MSH4: variants seen among roughly 807,000 people sequenced by gnomAD.
MSH4 encodes the protein mutS protein homolog 4.
A neutral mutation model predicts 113.7 loss-of-function variants in MSH4; 106 were observed. The ratio of observed to expected loss-of-function variants is 0.93; its 90% CI spans 0.80 to 1.10. The LOEUF (loss-of-function observed/expected upper bound fraction) is 1.10, where lower values mean the gene tolerates loss of function less well. MSH4 is among the 50% of genes least tolerant of loss of function. The pLI, the probability that MSH4 is intolerant of heterozygous loss-of-function variation, is 0.00. For missense variants in MSH4, 1,061 were observed against 1,093.7 expected, an observed-to-expected ratio of 0.97 and a Z score of 0.42; for synonymous variants, 368 against 380.2, an observed-to-expected ratio of 0.97 and a Z score of 0.37.
chr1:75,829,614 A>C (rs903257185), intron 7 of MSH4, among the ~76,000 whole-genome samples: 2 of 152,182 alleles, frequency 1.3e-5, no homozygotes, highest in African/African-American at 4.8e-5. Context: ...AGGCAGCAAC[A>C]TCTGCCGTTC....
intron 8 of MSH4, 135 bp downstream of exon 8, chr1:75,848,411 T>C: frequency 2.9e-6 from 2 of 691,978 alleles, no homozygotes; most frequent in South Asian, 2.0e-5. Flanking sequence ...GAGTATTTTA[T>C]GCCACTGTAG....
In MSH4 at chr1:75,912,839, A is replaced by C. The variant is rs764343557; in HGVS notation, c.2763A>C (p.Lys921Asn). 2 of 1,581,282 alleles carry C rather than the reference A, an allele frequency of 1.3e-6. No individual in the cohort carries two copies. Among genetic ancestry groups the C allele is most frequent in the South Asian group, 2.3e-5 (2 of 85,692 alleles). Residue 921 changes from lysine to asparagine, a missense_variant, in exon 20 of 20, where the codon AAA (lysine) becomes AAC (asparagine). Physicochemically the swap from Lys to Asn is moderately conservative, Grantham distance 94 (BLOSUM62 0). Coordinates refer to ENST00000263187, the MANE Select transcript of MSH4 (RefSeq NM_002440.4). ...TAAGTAACCTCAAGAAGAAGTACAA[A>C]GAAGATTTTCCCAGGACTGAACAAG... ...IYLSNLKKKYKEDFPRTEQVP... is the reference protein window; with the variant it reads ...IYLSNLKKKYNEDFPRTEQVP...
intron 6 of MSH4, among the ~76,000 whole-genome samples, chr1:75,819,135 T>G (rs1650353530): frequency 6.6e-6 from 1 of 152,080 alleles, no homozygotes; most frequent in African/African-American, 2.4e-5. Flanking sequence ...GTTTATTGTT[T>G]TTATTGTTTA....
At chr1:75,894,440 C>G (rs770536875) in intron 17 of MSH4, among the ~76,000 whole-genome samples, 7 of 152,310 alleles carry the variant, frequency 4.6e-5, no homozygotes, top group Non-Finnish European at 1.0e-4. Flanking sequence ...CAAGACTGAC[C>G]TGGCTATAGC....
intron 19 of MSH4, among the ~76,000 whole-genome samples, chr1:75,912,128 C>T (rs2100601287): frequency 1.3e-5 from 2 of 152,090 alleles, no homozygotes; most frequent in South Asian, 4.2e-4. Context: ...ATGTAATTTA[C>T]CCCTCAGGCA....
At chr1:75,883,508 T>C (rs1277399712) in intron 14 of MSH4, 113 bp from the exon 15 acceptor site, 3 of 812,320 alleles carry the variant, frequency 3.7e-6, no homozygotes, top group Non-Finnish European at 5.7e-6. Flanking sequence ...AATGTTATTA[T>C]TCCAAATTGA....
intron 15 of MSH4, among the ~76,000 whole-genome samples, chr1:75,887,933 C>A (rs1053472460): frequency 6.6e-6 from 1 of 151,302 alleles, no homozygotes; most frequent in African/African-American, 2.4e-5. Context: ...CATAATTCAT[C>A]CTTTTAGGAA....
chr1:75,799,943 CTA>C (rs1225327317), intron 1 of MSH4, among the ~76,000 whole-genome samples: 9 of 151,986 alleles, frequency 5.9e-5, no homozygotes, highest in African/African-American at 2.2e-4. Context: ...ATATAGGAAA[CTA>C]GAGCTAAGAA....
chr1:75,883,152 G>GTACACCTGGCATTACAC (rs1651972800), intron 14 of MSH4, among the ~76,000 whole-genome samples: 1 of 150,396 alleles, frequency 6.6e-6, no homozygotes, highest in African/African-American at 2.5e-5. Flanking sequence ...CTACAGGCAT[G>GTACACCTGGCATTACAC]AGCCATTACA....
intron 7 of MSH4, among the ~76,000 whole-genome samples, chr1:75,838,204 C>G (rs1172736660): frequency 3.3e-5 from 5 of 152,118 alleles, no homozygotes; most frequent in Non-Finnish European, 5.9e-5. Flanking sequence ...CATTTCCTTG[C>G]TCTTTCTACT....
chr1:75,890,824 G>T lies in MSH4; in HGVS notation c.2355G>T (p.Lys785Asn). ...YAVCEYLLSL[K>N]AFTLFATHFL... is the part of the protein sequence containing the mutation. The stretch of plus-strand genomic sequence containing the variant: ...TTTGTGAATATCTACTGAGCTTAAA[G>T]GTATTCTTTTATTTTAAGTATATTG... Residue 785 changes from lysine to asparagine, a missense_variant and splice_region_variant, in exon 17 of 20, where the codon AAG becomes AAT. Transcript: ENST00000263187. The T allele has an allele frequency of 6.4e-7, 1 of 1,551,612 alleles. No homozygotes were observed. Among genetic ancestry groups the T allele is most frequent in the South Asian group, 1.2e-5 (1 of 86,200 alleles).
chr1:75,865,517 G>A (rs1327561622), intron 8 of MSH4, among the ~76,000 whole-genome samples: 2 of 152,170 alleles, frequency 1.3e-5, no homozygotes, highest in Non-Finnish European at 1.5e-5. Flanking sequence ...AGGGTTGGTC[G>A]AGAGGCAGAA....
Position 75,797,215 on chromosome 1 carries a change from C to G in MSH4, c.230C>G (p.Ser77Cys). The G allele has an allele frequency of 6.2e-7, 1 of 1,604,888 alleles. No homozygotes were observed. Among genetic ancestry groups the G allele is most frequent in the Non-Finnish European group, 8.5e-7 (1 of 1,176,080 alleles). Residue 77 changes from serine to cysteine, a missense_variant, in exon 1 of 20, where the codon TCC (serine) becomes TGC (cysteine). Physicochemically the swap from Ser to Cys is moderately radical, Grantham distance 112. Transcript: ENST00000263187. ...SSSLPCPAPN[S>C]RPAQGSYFGN... The stretch of plus-strand genomic sequence containing the variant: ...AGCCTTCCCTGCCCCGCGCCAAACT[C>G]CCGGCCAGCTCAAGGCAAGGAGTGA...
intron 19 of MSH4, among the ~76,000 whole-genome samples, chr1:75,908,084 A>T (rs1238314109): frequency 1.3e-5 from 2 of 149,780 alleles, no homozygotes; most frequent in African/African-American, 4.9e-5. Flanking sequence ...AAGTTCAACA[A>T]ATGTATTTCT....
intron 9 of MSH4, among the ~76,000 whole-genome samples, chr1:75,873,480 G>A (rs1651755035): frequency 6.6e-6 from 1 of 151,876 alleles, no homozygotes; most frequent in Non-Finnish European, 1.5e-5. Context: ...TGTCTTGGAG[G>A]TTATGTTGTA....
chr1:75,865,101 A>G (rs1651535218), intron 8 of MSH4, among the ~76,000 whole-genome samples: 1 of 151,990 alleles, frequency 6.6e-6, no homozygotes, highest in Non-Finnish European at 1.5e-5. Context: ...TTGATCATTA[A>G]TGTCTCCTGT....
intron 3 of MSH4, among the ~76,000 whole-genome samples, chr1:75,807,641 T>G (rs1183654028): frequency 6.6e-6 from 1 of 152,234 alleles, no homozygotes; most frequent in African/African-American, 2.4e-5. Flanking sequence ...ACTACCTTAT[T>G]ATTTTATTTG....
At chr1:75,838,230 A>G (rs139006070) in intron 7 of MSH4, among the ~76,000 whole-genome samples, 98 of 152,260 alleles carry the variant, frequency 6.4e-4, no homozygotes, top group African/African-American at 2.2e-3. Context: ...GAGGCCGCCT[A>G]CATTTCTTGG....
chr1:75,891,480 G>A (rs917510289), intron 17 of MSH4, among the ~76,000 whole-genome samples: 1 of 151,946 alleles, frequency 6.6e-6, no homozygotes, highest in Non-Finnish European at 1.5e-5. Flanking sequence ...TTGAGACAGG[G>A]TCTCACTCTG....
Sources: gnomAD v4.1 joint callset for allele counts (sites outside exome capture counted in the v4.1 genomes callset) on GRCh38, gnomAD v4.1.1 for gene constraint, MANE v1.5 for transcripts, NCBI Gene and HGNC (gene_info 2026-07-23, HGNC 2026-07-21) for gene names.